Variants in DRC8 observed in about 807,000 individuals in gnomAD.
DRC8 encodes dynein regulatory complex subunit 8, also known as dynein regulatory complex protein 8.
chr1:245,099,107 A>T, the DRC8 span, among the ~76,000 whole-genome samples: 3 of 152,156 alleles, frequency 2.0e-5, no homozygotes, highest in South Asian at 6.2e-4. Flanking sequence ...CTGGGGGTTT[A>T]TGTGGTGCCT....
At chr1:245,102,101 G>A in the DRC8 span, among the ~76,000 whole-genome samples, 1 of 152,180 alleles carries the variant, frequency 6.6e-6, no homozygotes, top group Non-Finnish European at 1.5e-5. Flanking sequence ...CTACACAATA[G>A]TGCACAGACA....
chr1:245,121,175 T>A, the DRC8 span, among the ~76,000 whole-genome samples: 63 of 152,216 alleles, frequency 4.1e-4, no homozygotes, highest in Non-Finnish European at 8.8e-5. Context: ...TATAAACCTG[T>A]AACAAAGAAA....
the DRC8 span, among the ~76,000 whole-genome samples, chr1:245,019,191 A>C: frequency 1.3e-5 from 2 of 152,188 alleles, no homozygotes; most frequent in African/African-American, 4.8e-5. Flanking sequence ...CAACCTAAAG[A>C]GTCTGCTTTG....
chr1:244,995,947 CGTACCATACCTCTA>C, the DRC8 span, among the ~76,000 whole-genome samples: 20 of 152,330 alleles, frequency 1.3e-4, no homozygotes, highest in East Asian at 1.2e-3. Context: ...CCCGTTTTCC[CGTACCATACCTCTA>C]GATGTTATCT....
chr1:245,083,477 C>G, the DRC8 span: 1 of 1,613,546 alleles, frequency 6.2e-7, no homozygotes, highest in Non-Finnish European at 8.5e-7. Context: ...CTTCTTCGAG[C>G]TTTTGAGGTA....
At chr1:245,020,388 G>A in the DRC8 span, among the ~76,000 whole-genome samples, 1 of 152,032 alleles carries the variant, frequency 6.6e-6, no homozygotes, top group East Asian at 1.9e-4. Flanking sequence ...AGACTTCCTG[G>A]GTTCCCATCC....
the DRC8 span, among the ~76,000 whole-genome samples, chr1:245,114,187 G>A: frequency 2.0e-5 from 3 of 151,986 alleles, no homozygotes; most frequent in Non-Finnish European, 4.4e-5. Flanking sequence ...TGCCTGGGCC[G>A]GGTGTGGTGG....
the DRC8 span, among the ~76,000 whole-genome samples, chr1:245,044,954 T>G: frequency 2.6e-5 from 4 of 152,030 alleles, no homozygotes; most frequent in African/African-American, 9.7e-5. Flanking sequence ...TAATTTAAAT[T>G]CTTTAATAAT....
the DRC8 span, chr1:245,075,585 A>G: frequency 6.6e-6 from 1 of 152,232 alleles, no homozygotes; most frequent in African/African-American, 2.4e-5. Flanking sequence ...AGGAGAAGCC[A>G]GGCGTATCAG....
At chr1:245,093,870 C>G in the DRC8 span, among the ~76,000 whole-genome samples, 1 of 152,016 alleles carries the variant, frequency 6.6e-6, no homozygotes, top group African/African-American at 2.4e-5. Context: ...CTTGCTGGCT[C>G]CCCCCACACG....
chr1:245,011,154 A>G, the DRC8 span, among the ~76,000 whole-genome samples: 1 of 152,140 alleles, frequency 6.6e-6, no homozygotes, highest in Non-Finnish European at 1.5e-5. Flanking sequence ...CCTGAAGGTA[A>G]TTTTATGTAG....
chr1:245,008,361 A>G, the DRC8 span, among the ~76,000 whole-genome samples: 1 of 152,222 alleles, frequency 6.6e-6, no homozygotes, highest in Non-Finnish European at 1.5e-5. Context: ...AAAACAGAGC[A>G]TTAGGAAATT....
At chr1:245,037,537 A>G in the DRC8 span, among the ~76,000 whole-genome samples, 1 of 152,194 alleles carries the variant, frequency 6.6e-6, no homozygotes, top group East Asian at 1.9e-4. Flanking sequence ...AGAAGGCACA[A>G]ACAGCATTTT....
At chr1:245,061,607 T>TA in the DRC8 span, among the ~76,000 whole-genome samples, 1 of 152,020 alleles carries the variant, frequency 6.6e-6, no homozygotes, top group Admixed American at 6.6e-5. Flanking sequence ...AAAAAGCACA[T>TA]AAAAAAAGCA....
At chr1:245,025,549 A>G in the DRC8 span, among the ~76,000 whole-genome samples, 1 of 152,180 alleles carries the variant, frequency 6.6e-6, no homozygotes, top group African/African-American at 2.4e-5. Flanking sequence ...CTAAAATGAG[A>G]TGGGGCCCAA....
the DRC8 span, among the ~76,000 whole-genome samples, chr1:245,094,624 T>G: frequency 6.6e-6 from 1 of 152,266 alleles, no homozygotes. Flanking sequence ...CAAATCCTGG[T>G]TTTCTTCCTG....
At chr1:244,971,996 G>A in the DRC8 span, among the ~76,000 whole-genome samples, 4 of 143,822 alleles carry the variant, frequency 2.8e-5, no homozygotes, top group African/African-American at 1.0e-4. Context: ...AGATAAACTA[G>A]CAAGGTAATT....
At chr1:244,994,622 G>A in the DRC8 span, among the ~76,000 whole-genome samples, 5 of 152,060 alleles carry the variant, frequency 3.3e-5, no homozygotes, top group Non-Finnish European at 7.4e-5. Context: ...TAGTGATGGG[G>A]TTTCACCATA....
At chr1:245,013,771 C>T in the DRC8 span, among the ~76,000 whole-genome samples, 2 of 151,884 alleles carry the variant, frequency 1.3e-5, no homozygotes, top group Admixed American at 1.3e-4. Flanking sequence ...AGGCTCACAC[C>T]TGTAATCCCA....
Sources: gnomAD v4.1 joint callset for allele counts (sites outside exome capture counted in the v4.1 genomes callset) on GRCh38, gnomAD v4.1.1 for gene constraint, MANE v1.5 for transcripts, NCBI Gene and HGNC (gene_info 2026-07-23, HGNC 2026-07-21) for gene names.